Variants in PCDHGA8 observed in about 807,000 individuals in gnomAD.
PCDHGA8 encodes the protein protocadherin gamma-A8.
In PCDHGA8, 45 loss-of-function variants were observed where a neutral mutation model predicts 59.2. The ratio of observed to expected loss-of-function variants is 0.76; its 90% CI spans 0.60 to 0.98. The LOEUF (loss-of-function observed/expected upper bound fraction) is 0.98. Among genes scored for constraint, PCDHGA8 ranks in the 50% least tolerant of loss-of-function variants. PCDHGA8 has a pLI of 0.00. For missense variants in PCDHGA8, 1,257 were observed against 1,196.2 expected (o/e 1.05, Z -0.75); for synonymous variants, 531 against 519.0 (o/e 1.02, Z -0.32).
rs538105673 is a variant in PCDHGA8, at chr5:141,427,796, C to T, written c.2424+32559C>T. On this transcript the variant is annotated intron_variant, in intron 1 of 3. Transcript: ENST00000398604. Reference sequence around the variant, plus strand: ...TGCGGGCACTGTCGTCCTACGTGTCCGTGAGCGCACAGAGCGGGGTGGTGG... The same window carrying T: ...TGCGGGCACTGTCGTCCTACGTGTCTGTGAGCGCACAGAGCGGGGTGGTGG... The T allele has an allele frequency of 3.6e-4, 547 of 1,502,104 alleles. 5 individuals carry two copies. In the South Asian group the frequency reaches 5.9e-3, roughly 16 times the overall value. The allele number at this position is 1,502,104 out of a possible 1,614,324, so 93.0% of individuals were successfully genotyped here.
chr5:141,490,467 C>T lies in PCDHGA8; in HGVS notation c.2425-4340C>T. ...AGAACCACTACTCGCTGCTAACCAG[C>T]CAGCCTTTGGACCGGGAGGCCACAT... is the stretch of plus-strand genomic sequence containing the variant. On this transcript the variant is annotated intron_variant, in intron 1 of 3. Transcript: ENST00000398604. This position sits in a 1 kb window ranked among gnomAD's most constrained non-coding sequence, Gnocchi z 5.4. The T allele has an allele frequency of 6.2e-7, 1 of 1,614,216 alleles. No individual in the cohort carries two copies. The highest frequency in any genetic ancestry group is 8.5e-7 in the Non-Finnish European group (1 of 1,180,040).
chr5:141,490,454 CG>C lies in PCDHGA8; in HGVS notation c.2425-4352del. ...ATTAAGCCTTCTGAGAACCACTACT[CG>C]CTGCTAACCAGCCAGCCTTTGGACC... On this transcript the variant is annotated intron_variant, in intron 1 of 3. Coordinates refer to ENST00000398604, the MANE Select transcript of PCDHGA8 (RefSeq NM_032088.2). This position sits in a 1 kb window ranked among gnomAD's most constrained non-coding sequence, Gnocchi z 5.4. The C allele has an allele frequency of 1.2e-6, 2 of 1,614,176 alleles. No individual in the cohort carries two copies. Among genetic ancestry groups the C allele is most frequent in the Non-Finnish European group, 1.7e-6 (2 of 1,180,020 alleles).
Position 141,490,311 on chromosome 5 carries a change from C to T in PCDHGA8, c.2425-4496C>T. 6.2e-7 allele frequency: 1 copy of T among 1,614,200 alleles called. No individual in the cohort carries two copies. The highest frequency in any genetic ancestry group is 8.5e-7 in the Non-Finnish European group (1 of 1,180,018). On this transcript the variant is annotated intron_variant, in intron 1 of 3. Coordinates refer to ENST00000398604, the MANE Select transcript of PCDHGA8 (RefSeq NM_032088.2). This position sits in a 1 kb window ranked among gnomAD's most constrained non-coding sequence, Gnocchi z 5.4. ...AGGTGCTATTGGCCTCTTTGGCCAA[C>T]CCTGTCCTAGAGAGCACACCAGTGG...
At chr5:141,492,834 G>A (rs544218873) in intron 1 of PCDHGA8, among the ~76,000 whole-genome samples, 7 of 152,214 alleles carry the variant, frequency 4.6e-5, no homozygotes, top group African/African-American at 1.7e-4. Context: ...CCTTCCTCCC[G>A]CAGGAAGTGA....
chr5:141,474,981 G>A (rs1336399018), intron 1 of PCDHGA8, among the ~76,000 whole-genome samples: 1 of 152,126 alleles, frequency 6.6e-6, no homozygotes, highest in African/African-American at 2.4e-5. Context: ...ATTTTGTTTG[G>A]TGACAACAAT....
intron 1 of PCDHGA8, among the ~76,000 whole-genome samples, chr5:141,474,770 G>A (rs1221980722): frequency 6.6e-6 from 1 of 152,204 alleles, no homozygotes; most frequent in African/African-American, 2.4e-5. Context: ...GAAATAGTAT[G>A]AGGCTCTAAC....
At position 141,491,899 on chromosome 5, in the gene PCDHGA8, G is replaced by A; in HGVS notation, c.2425-2908G>A. The A allele has an allele frequency of 7.0e-7, 1 of 1,433,322 alleles. No homozygotes were observed. Among genetic ancestry groups the A allele is most frequent in the South Asian group, 1.5e-5 (1 of 67,156 alleles). The allele number at this position is 1,433,322 out of a possible 1,614,324, so 88.8% of individuals were successfully genotyped here. A position where few individuals can be genotyped will look rare whatever the true frequency, so the allele number is the denominator to read the frequency against. On this transcript the variant is annotated intron_variant, in intron 1 of 3. Coordinates refer to ENST00000398604, the MANE Select transcript of PCDHGA8 (RefSeq NM_032088.2). The surrounding 1 kb of genome is among the most constrained non-coding windows in gnomAD (Gnocchi z 6.9). ...TTAAGGGATGGGGCTCCGAGCACCG[G>A]GGGTGGTGGCGACTGTGGGCGAGGG... is the stretch of plus-strand genomic sequence containing the variant.
At chr5:141,434,223 A>G (rs1164673241) in intron 1 of PCDHGA8, among the ~76,000 whole-genome samples, 1 of 152,214 alleles carries the variant, frequency 6.6e-6, no homozygotes, top group Non-Finnish European at 1.5e-5. Context: ...TAAACAAAGT[A>G]CGATTTCTGG....
intron 1 of PCDHGA8, chr5:141,413,907 G>C (rs745956130): frequency 6.2e-7 from 1 of 1,613,270 alleles, no homozygotes; most frequent in Non-Finnish European, 8.5e-7. Context: ...ACAACGCGCC[G>C]GTCTTCACCT....
At position 141,410,559 on chromosome 5, in the gene PCDHGA8, G is replaced by A. The variant is rs1239897819; in HGVS notation, c.2424+15322G>A. 9.9e-6 allele frequency: 16 copies of A among 1,612,722 alleles called. No individual in the cohort carries two copies. Among genetic ancestry groups the A allele is most frequent in the African/African-American group, 5.3e-5 (4 of 74,894 alleles). On this transcript the variant is annotated intron_variant, in intron 1 of 3. Transcript: ENST00000398604. ...GACATGGTTTGCAGTGTTTCTCCTG[G>A]AGCCTTAATTCCACCTCATGGTGGG...
At position 141,498,794 on chromosome 5, in the gene PCDHGA8, G is replaced by A. The variant is rs184257963; in HGVS notation, c.2483+3929G>A. ...TAAAAATACAAAATATTAGCCAGGT[G>A]TGGTGGTGCACACCTGTAGTCCCAG... On this transcript the variant is annotated intron_variant, in intron 2 of 3. Transcript: ENST00000398604. Among the ~76,000 whole-genome samples the A allele has an allele frequency of 7.9e-5, 12 of 152,224 alleles. No individual in the cohort carries two copies. The East Asian group carries it at 2.3e-3, about 30-fold the overall frequency.
At position 141,432,032 on chromosome 5, in the gene PCDHGA8, A is replaced by G; in HGVS notation, c.2424+36795A>G. On this transcript the variant is annotated intron_variant, in intron 1 of 3. Coordinates refer to ENST00000398604, the MANE Select transcript of PCDHGA8 (RefSeq NM_032088.2). The surrounding 1 kb of genome is among the most constrained non-coding windows in gnomAD (Gnocchi z 6.0). ...TAGCTACAACATCACAGTGACCGCC[A>G]CTGACCGGGGAACCCCGCCCCTATC... 2 of 1,614,242 alleles carry G rather than the reference A, an allele frequency of 1.2e-6. No homozygotes were observed. Among genetic ancestry groups the G allele is most frequent in the South Asian group, 1.1e-5 (1 of 91,086 alleles).
At chr5:141,419,620 G>A (rs776986192) in intron 1 of PCDHGA8, 9 of 1,612,304 alleles carry the variant, frequency 5.6e-6, no homozygotes, top group Non-Finnish European at 7.6e-6. Context: ...CAGGCTACCT[G>A]GTGACCAAGG....
At chr5:141,426,814 T>C (rs2096962370) in intron 1 of PCDHGA8, 1 of 456,592 alleles carries the variant, frequency 2.2e-6, no homozygotes, top group Admixed American at 2.3e-5. Flanking sequence ...AATGAACATT[T>C]CTCTCTGATG....
chr5:141,467,055 C>CTT (rs1193465269), intron 1 of PCDHGA8, among the ~76,000 whole-genome samples: 5 of 134,496 alleles, frequency 3.7e-5, no homozygotes, highest in African/African-American at 5.4e-5. Context: ...TCAATGTTTT[C>CTT]TTTTTTTTTT....
In PCDHGA8 at chr5:141,490,262, G is replaced by A; in HGVS notation, c.2425-4545G>A. 1.2e-6 allele frequency: 2 copies of A among 1,614,206 alleles called. No homozygotes were observed. Among genetic ancestry groups the A allele is most frequent in the South Asian group, 1.1e-5 (1 of 91,086 alleles). On this transcript the variant is annotated intron_variant, in intron 1 of 3. Transcript: ENST00000398604. The surrounding 1 kb of genome is among the most constrained non-coding windows in gnomAD (Gnocchi z 5.4). ...CACTGTGTGATTCAAGTGGATGTGGGGGATGTCAATGACAATGCCCCAGAG... is the reference window on the plus strand; with the variant it reads ...CACTGTGTGATTCAAGTGGATGTGGAGGATGTCAATGACAATGCCCCAGAG...
At position 141,487,488 on chromosome 5, in the gene PCDHGA8, G is replaced by A; in HGVS notation, c.2425-7319G>A. ...GATGTGGGAGGCCACTCTCATGGCT[G>A]TACACCCTTGGCTTCTGCACCCACT... On this transcript the variant is annotated intron_variant, in intron 1 of 3. Transcript: ENST00000398604. This position sits in a 1 kb window ranked among gnomAD's most constrained non-coding sequence, Gnocchi z 5.0. The A allele has an allele frequency of 6.2e-7, 1 of 1,614,204 alleles. No homozygotes were observed. The highest frequency in any genetic ancestry group is 8.5e-7 in the Non-Finnish European group (1 of 1,180,038).
intron 1 of PCDHGA8, chr5:141,408,110 T>G: frequency 2.8e-6 from 4 of 1,445,204 alleles, no homozygotes; most frequent in Non-Finnish European, 2.7e-6. Context: ...GACCCGGGAC[T>G]CCTCCTGTCC....
intron 1 of PCDHGA8, among the ~76,000 whole-genome samples, chr5:141,461,345 G>A (rs1277222105): frequency 1.3e-5 from 2 of 152,102 alleles, no homozygotes; most frequent in African/African-American, 4.8e-5. Context: ...CAGGACCAAG[G>A]TGGTAGCTCG....
Sources: gnomAD v4.1 joint callset for allele counts (sites outside exome capture counted in the v4.1 genomes callset) on GRCh38, gnomAD v4.1.1 for gene constraint, Gnocchi (gnomAD v3.1) non-coding constraint, MANE v1.5 for transcripts, NCBI Gene and HGNC (gene_info 2026-07-23, HGNC 2026-07-21) for gene names.